The following PAIP2B variants were observed in gnomAD, a reference collection of about 807,000 sequenced individuals.
PAIP2B encodes the protein polyadenylate-binding protein-interacting protein 2B.
In PAIP2B, 13 loss-of-function variants were observed where a neutral mutation model predicts 17.0. The ratio of observed to expected loss-of-function variants is 0.76; its 90% CI spans 0.50 to 1.22. The LOEUF is 1.22. PAIP2B is among the 50% of genes most tolerant of loss of function. The pLI is 0.00. For missense variants in PAIP2B, 117 were observed against 144.5 expected (o/e 0.81, Z 0.98); for synonymous variants, 43 against 48.7 (o/e 0.88, Z 0.48).
chr2:71,208,178 C>A (rs985099794), intron 1 of PAIP2B, among the ~76,000 whole-genome samples: 1 of 152,114 alleles, frequency 6.6e-6, no homozygotes, highest in African/African-American at 2.4e-5. Flanking sequence ...AATCCCAACA[C>A]TTTGGGAGGC....
chr2:71,221,943 G>C (rs180782501), intron 1 of PAIP2B, among the ~76,000 whole-genome samples: 4 of 152,304 alleles, frequency 2.6e-5, no homozygotes, highest in Non-Finnish European at 5.9e-5. Flanking sequence ...GGGCACTCTT[G>C]ATAGCCCAGA....
intron 3 of PAIP2B, among the ~76,000 whole-genome samples, chr2:71,188,959 G>C (rs1674612001): frequency 6.7e-6 from 1 of 150,216 alleles, no homozygotes; most frequent in South Asian, 2.1e-4. Context: ...CACAGGGCAA[G>C]ATTGTTCAGA....
In PAIP2B at chr2:71,209,887, C is replaced by T. The variant is rs182230661; in HGVS notation, c.-11-7287G>A. On this transcript the variant is annotated intron_variant, in intron 1 of 3. Transcript: ENST00000244221. ...CGCCCCAGGCTGGAGTACAGTGGCGCGATCTCAGCTCACTGCAACCTCCAC... is the reference window on the plus strand; with the variant it reads ...CGCCCCAGGCTGGAGTACAGTGGCGTGATCTCAGCTCACTGCAACCTCCAC... 7.4e-3 allele frequency among the ~76,000 whole-genome samples: 1,123 copies of T among 151,806 alleles called. 3 individuals carry two copies. The highest frequency in any genetic ancestry group is 0.011 in the Non-Finnish European group (763 of 67,942).
chr2:71,219,962 A>G (rs1675535572), intron 1 of PAIP2B, among the ~76,000 whole-genome samples: 1 of 152,248 alleles, frequency 6.6e-6, no homozygotes, highest in Admixed American at 6.5e-5. Flanking sequence ...TTTTTTAAAA[A>G]CACACACAAT....
chr2:71,205,377 A>C (rs1470289127), intron 1 of PAIP2B, among the ~76,000 whole-genome samples: 1 of 152,230 alleles, frequency 6.6e-6, no homozygotes, highest in East Asian at 1.9e-4. Flanking sequence ...TACTGTTTAA[A>C]AATTAATAAA....
At chr2:71,225,486 T>A (rs931853102) in intron 1 of PAIP2B, among the ~76,000 whole-genome samples, 1 of 152,180 alleles carries the variant, frequency 6.6e-6, no homozygotes, top group African/African-American at 2.4e-5. Context: ...AATTCCAATT[T>A]TTGAAAAGTC....
At chr2:71,191,437 C>T (rs993778152) in intron 2 of PAIP2B, among the ~76,000 whole-genome samples, 3 of 152,150 alleles carry the variant, frequency 2.0e-5, no homozygotes, top group African/African-American at 7.2e-5. Flanking sequence ...TGTTCACTGG[C>T]ACAACCAATG....
intron 1 of PAIP2B, among the ~76,000 whole-genome samples, chr2:71,223,736 C>T (rs1000636193): frequency 9.2e-5 from 14 of 152,082 alleles, no homozygotes; most frequent in African/African-American, 2.2e-4. Context: ...CACGCTCAGC[C>T]GAGTCTGACT....
At chr2:71,193,331 A>T (rs1460720422) in intron 2 of PAIP2B, among the ~76,000 whole-genome samples, 5 of 152,152 alleles carry the variant, frequency 3.3e-5, no homozygotes, top group African/African-American at 1.2e-4. Context: ...GATGCTTGAT[A>T]TCAGACCTTT....
intron 1 of PAIP2B, among the ~76,000 whole-genome samples, chr2:71,224,552 A>G (rs1397738182): frequency 6.6e-6 from 1 of 152,190 alleles, no homozygotes; most frequent in Admixed American, 6.5e-5. Context: ...TAAGGTGTGG[A>G]AAAGGCTTGC....
chr2:71,215,881 C>CT (rs1364155141), intron 1 of PAIP2B, among the ~76,000 whole-genome samples: 3 of 152,032 alleles, frequency 2.0e-5, no homozygotes, highest in Non-Finnish European at 2.9e-5. Context: ...CTATGTGTTC[C>CT]TTTGAAGCTG....
chr2:71,186,587 T>TC lies in PAIP2B; in HGVS notation c.*1891dup, dbSNP rs3832151. 2.0e-5 allele frequency: 3 copies of TC among 152,240 alleles called. No homozygotes were observed. Among genetic ancestry groups the TC allele is most frequent in the East Asian group, 3.8e-4 (2 of 5,200 alleles). 9.4% of individuals were successfully genotyped at this position (152,240 alleles called of 1,614,324 possible). ...CACGAGGATGAAGGAGGAAAAGCAG[T>TC]CCCAGAAGGGAGAGATTTCCTCTAT... On this transcript the variant is annotated 3_prime_UTR_variant, in exon 4 of 4. Coordinates refer to ENST00000244221, the MANE Select transcript of PAIP2B (RefSeq NM_020459.1).
chr2:71,200,776 CA>C (rs1017417288), intron 2 of PAIP2B, among the ~76,000 whole-genome samples: 3 of 151,814 alleles, frequency 2.0e-5, no homozygotes, highest in Non-Finnish European at 4.4e-5. Context: ...CAAAAAACAA[CA>C]AAAAAACCCA....
chr2:71,203,374 T>C (rs1675035358), intron 1 of PAIP2B, among the ~76,000 whole-genome samples: 2 of 152,186 alleles, frequency 1.3e-5, no homozygotes, highest in South Asian at 4.1e-4. Context: ...TATTTCTTTT[T>C]ATCTCCTAGA....
chr2:71,215,343 G>T (rs1675401320), intron 1 of PAIP2B, among the ~76,000 whole-genome samples: 1 of 151,768 alleles, frequency 6.6e-6, no homozygotes, highest in Admixed American at 6.6e-5. Flanking sequence ...CTCCCAAAAA[G>T]GTCCATCCTA....
chr2:71,211,376 G>T (rs1010950295), intron 1 of PAIP2B, among the ~76,000 whole-genome samples: 1 of 152,110 alleles, frequency 6.6e-6, no homozygotes, highest in African/African-American at 2.4e-5. Flanking sequence ...ATACTTTGCA[G>T]ATATTCTGAT....
At position 71,186,107 on chromosome 2, in the gene PAIP2B, G is replaced by T. The variant is rs570348701; in HGVS notation, c.*2372C>A. The T allele has an allele frequency of 3.3e-5, 5 of 152,314 alleles. No individual in the cohort carries two copies. Among genetic ancestry groups the T allele is most frequent in the Non-Finnish European group, 5.9e-5 (4 of 68,034 alleles). The allele number at this position is 152,314 out of a possible 1,614,324, so 9.4% of individuals were successfully genotyped here. On this transcript the variant is annotated 3_prime_UTR_variant, in exon 4 of 4. Coordinates refer to ENST00000244221, the MANE Select transcript of PAIP2B (RefSeq NM_020459.1). ...GTAAAGGTGTCCAGTCTGGCTTGCT[G>T]GTTCTTCTTCTGTGAGAAAAGTCAC...
intron 1 of PAIP2B, among the ~76,000 whole-genome samples, chr2:71,218,909 CTTTTT>C (rs1203229849): frequency 6.8e-6 from 1 of 146,864 alleles, no homozygotes; most frequent in Non-Finnish European, 1.5e-5. Context: ...AAAGGTTTTT[CTTTTT>C]TTTTCTTTTT....
rs1043859546 is a variant in PAIP2B, at chr2:71,187,942, G to A, written c.*537C>T. 1 of 154,400 alleles carries A rather than the reference G, an allele frequency of 6.5e-6. No individual in the cohort carries two copies. Among genetic ancestry groups the A allele is most frequent in the Admixed American group, 6.4e-5 (1 of 15,668 alleles). The allele number at this position is 154,400 out of a possible 1,614,324, so 9.6% of individuals were successfully genotyped here. A position where few individuals can be genotyped will look rare whatever the true frequency, so the allele number is the denominator to read the frequency against. The stretch of plus-strand genomic sequence containing the variant: ...GTTCAGGACAAACAGGCAAGGGCTT[G>A]ACAGCACATTGGTTATCCGAGTTCA... On this transcript the variant is annotated 3_prime_UTR_variant, in exon 4 of 4. Coordinates refer to ENST00000244221, the MANE Select transcript of PAIP2B (RefSeq NM_020459.1).
Sources: allele counts gnomAD v4.1 joint callset (sites outside exome capture counted in the v4.1 genomes callset), GRCh38; gene constraint gnomAD v4.1.1; transcripts MANE v1.5; gene names NCBI Gene and HGNC (gene_info 2026-07-23, HGNC 2026-07-21).